Variants in TMEM45B observed in about 807,000 individuals in gnomAD.
TMEM45B encodes transmembrane protein 45B.
A neutral mutation model predicts 27.3 loss-of-function variants in TMEM45B; 29 were observed. That is an observed-to-expected ratio of 1.06 (90% CI 0.79 to 1.45). TMEM45B has a LOEUF of 1.45. Ranked by LOEUF, TMEM45B falls within the 40% of genes most tolerant of loss-of-function variation. The pLI is 0.00. For synonymous variants in TMEM45B, 143 were observed against 134.7 expected (o/e 1.06, Z -0.43); for missense variants, 348 against 343.9 (o/e 1.01, Z -0.09).
chr11:129,852,960 AAG>A (rs1267211210), intron 2 of TMEM45B: 2 of 241,914 alleles, frequency 8.3e-6, no homozygotes, highest in Non-Finnish European at 7.9e-6. Context: ...CACAAATAAA[AAG>A]AGAAAAAAAC....
At chr11:129,858,496 CAGT>C in intron 5 of TMEM45B, 75 bp from the exon 6 acceptor site, 1 of 910,782 alleles carries the variant, frequency 1.1e-6, no homozygotes. Context: ...GTTTAAGAAT[CAGT>C]AGATGCCTTC....
intron 1 of TMEM45B, among the ~76,000 whole-genome samples, chr11:129,847,220 C>T (rs866305227): frequency 3.4e-4 from 52 of 152,176 alleles, no homozygotes; most frequent in South Asian, 1.7e-3. Flanking sequence ...TTTGCCATTA[C>T]GTTTGCACCC....
At chr11:129,855,432 C>T (rs963194422) in intron 3 of TMEM45B, among the ~76,000 whole-genome samples, 18 of 152,236 alleles carry the variant, frequency 1.2e-4, no homozygotes, top group African/African-American at 4.1e-4. Flanking sequence ...CAAGTATACA[C>T]ACACAGTCTG....
Position 129,854,834 on chromosome 11 carries a change from A to T in TMEM45B, c.385+18A>T. 1 of 1,608,684 alleles carries T rather than the reference A, an allele frequency of 6.2e-7. No homozygotes were observed. ...CATGGAAGGTAATTTTGTGGAACGG[A>T]TGGAGAGGAAGGAGAGCCTGACAAG... is the stretch of plus-strand genomic sequence containing the variant. On this transcript the variant is annotated intron_variant, in intron 3 of 5. Coordinates refer to ENST00000281441, the MANE Select transcript of TMEM45B (RefSeq NM_138788.5).
rs556482621 is a variant in TMEM45B, at chr11:129,824,202, A to G, written c.-9+8304A>G. Among the ~76,000 whole-genome samples, 21 of 152,280 alleles carry G rather than the reference A, an allele frequency of 1.4e-4. 1 individual carries two copies. Among genetic ancestry groups the G allele is most frequent in the South Asian group, 1.2e-3 (6 of 4,820 alleles). ...GAGGCTCTAGAACAGTAACTAAACT[A>G]CAGTGCAAAACAGTGATCTATAGAT... On this transcript the variant is annotated intron_variant, in intron 1 of 5. Coordinates refer to ENST00000281441, the MANE Select transcript of TMEM45B (RefSeq NM_138788.5).
chr11:129,832,861 T>C (rs374447099), intron 1 of TMEM45B, among the ~76,000 whole-genome samples: 1 of 152,238 alleles, frequency 6.6e-6, no homozygotes, highest in East Asian at 1.9e-4. Flanking sequence ...TAAAAAAACT[T>C]AGTAAGGTTG....
At chr11:129,815,958 G>A (rs1210508140) in intron 1 of TMEM45B, 60 bp downstream of exon 1, 6 of 1,262,230 alleles carry the variant, frequency 4.8e-6, no homozygotes, top group Non-Finnish European at 6.0e-6. Flanking sequence ...GGGAGAGGGG[G>A]CCCCGCCAAG....
chr11:129,856,281 G>C (rs1357040170), intron 4 of TMEM45B, among the ~76,000 whole-genome samples: 2 of 152,116 alleles, frequency 1.3e-5, no homozygotes, highest in African/African-American at 4.8e-5. Flanking sequence ...GCGCAATCTT[G>C]GCTGACTGCA....
chr11:129,856,350 T>A (rs1156945486), intron 4 of TMEM45B, among the ~76,000 whole-genome samples: 3 of 151,836 alleles, frequency 2.0e-5, no homozygotes, highest in Non-Finnish European at 4.4e-5. Flanking sequence ...TAGCTCAGGT[T>A]ACAGGTGCCC....
intron 1 of TMEM45B, among the ~76,000 whole-genome samples, chr11:129,846,767 G>A (rs1947765977): frequency 6.6e-6 from 1 of 152,192 alleles, no homozygotes; most frequent in South Asian, 2.1e-4. Flanking sequence ...TGTACATGCA[G>A]GAGTCACGGA....
chr11:129,857,580 G>A, intron 5 of TMEM45B, 122 bp downstream of exon 5: 2 of 1,130,418 alleles, frequency 1.8e-6, no homozygotes, highest in African/African-American at 1.5e-5. Context: ...CTCTCATGCA[G>A]GGAAGGTATC....
chr11:129,851,248 A>G (rs577475582), intron 1 of TMEM45B, among the ~76,000 whole-genome samples: 94 of 152,230 alleles, frequency 6.2e-4, no homozygotes, highest in African/African-American at 2.2e-3. Flanking sequence ...TCCCTTCTTA[A>G]AAGTCCTCTT....
At chr11:129,816,027 C>G (rs2135543641) in intron 1 of TMEM45B, 129 bp downstream of exon 1, 1 of 1,212,814 alleles carries the variant, frequency 8.2e-7, no homozygotes, top group East Asian at 3.2e-5. Flanking sequence ...GGGGAGGGGA[C>G]GCGGACAGGG....
rs1477096972 is a variant in TMEM45B, at chr11:129,852,590, C to T, written c.108C>T (p.Asn36=). ...AGTACTTTAGCCACACGCGGAAGAACAGCCCACTACATTACTATCAGCGTC... is the reference window on the plus strand; with the variant it reads ...AGTACTTTAGCCACACGCGGAAGAATAGCCCACTACATTACTATCAGCGTC... ...PLKYFSHTRK[N]SPLHYYQRLE... Residue 36 remains asparagine, a synonymous_variant, in exon 2 of 6, where the codon AAC becomes AAT. Transcript: ENST00000281441. 2 of 1,613,884 alleles carry T rather than the reference C, an allele frequency of 1.2e-6. No individual in the cohort carries two copies. The highest frequency in any genetic ancestry group is 1.1e-5 in the South Asian group (1 of 91,080).
intron 1 of TMEM45B, among the ~76,000 whole-genome samples, chr11:129,851,053 C>T (rs1591450192): frequency 1.3e-5 from 2 of 152,296 alleles, no homozygotes; most frequent in South Asian, 4.1e-4. Context: ...TAAAGAACAA[C>T]AATTTATTTC....
intron 1 of TMEM45B, among the ~76,000 whole-genome samples, chr11:129,817,327 G>T (rs1375579437): frequency 6.6e-6 from 1 of 152,198 alleles, no homozygotes; most frequent in Middle Eastern, 3.2e-3. Flanking sequence ...TTAGGTAGGG[G>T]CCCAGGGGCG....
chr11:129,858,142 T>G (rs1454304471), intron 5 of TMEM45B, among the ~76,000 whole-genome samples: 1 of 152,206 alleles, frequency 6.6e-6, no homozygotes, highest in East Asian at 1.9e-4. Context: ...GCAAATGGTA[T>G]TACCAGTTCT....
At chr11:129,828,347 G>A (rs1209807237) in intron 1 of TMEM45B, 1 of 152,194 alleles carries the variant, frequency 6.6e-6, no homozygotes, top group Non-Finnish European at 1.5e-5. Flanking sequence ...TACTCCTTCT[G>A]ACCGTGCTGT....
intron 1 of TMEM45B, among the ~76,000 whole-genome samples, chr11:129,826,131 C>G (rs1348084925): frequency 2.6e-5 from 4 of 152,036 alleles, no homozygotes; most frequent in Non-Finnish European, 5.9e-5. Flanking sequence ...CTCCCTTCTC[C>G]ATGACCAAAA....
Sources: gnomAD v4.1 joint callset for allele counts (sites outside exome capture counted in the v4.1 genomes callset) on GRCh38, gnomAD v4.1.1 for gene constraint, MANE v1.5 for transcripts, NCBI Gene and HGNC (gene_info 2026-07-23, HGNC 2026-07-21) for gene names.